APH1B: variants seen among roughly 807,000 people sequenced by gnomAD.
APH1B encodes aph-1B gamma-secretase subunit.
Under a neutral mutation model 28.2 loss-of-function variants are expected in APH1B, and 27 were observed. The observed-to-expected ratio is 0.96, with a 90% CI of 0.70 to 1.32. APH1B has a LOEUF of 1.32. Among genes scored for constraint, APH1B ranks in the 40% most tolerant of loss-of-function variants. The pLI is 0.00. For missense variants in APH1B, 305 were observed against 313.6 expected, an observed-to-expected ratio of 0.97 and a Z score of 0.21; for synonymous variants, 141 against 124.6, an observed-to-expected ratio of 1.13 and a Z score of -0.88.
chr15:63,301,694 G>A (rs1259444549), intron 4 of APH1B, among the ~76,000 whole-genome samples: 1 of 151,372 alleles, frequency 6.6e-6, no homozygotes, highest in Non-Finnish European at 1.5e-5. Context: ...TAATTCTCCT[G>A]CCTGAGCCTC....
chr15:63,284,583 G>T (rs201499069), intron 2 of APH1B, among the ~76,000 whole-genome samples: 2 of 14 alleles, frequency 0.14, no homozygotes, highest in East Asian at 0.5. Context: ...CCACAAACAC[G>T]GGGGGTGATG....
chr15:63,283,021 C>G (rs941763646), intron 2 of APH1B, among the ~76,000 whole-genome samples: 1 of 152,076 alleles, frequency 6.6e-6, no homozygotes, highest in Non-Finnish European at 1.5e-5. Context: ...AAAGAATTTT[C>G]CACTTCAGTA....
intron 5 of APH1B, among the ~76,000 whole-genome samples, chr15:63,303,702 C>T (rs902586651): frequency 3.3e-5 from 5 of 152,108 alleles, no homozygotes; most frequent in South Asian, 2.1e-4. Flanking sequence ...TATGTTGCTC[C>T]GGCTGGCTTC....
chr15:63,286,810 A>G (rs2038451944), intron 3 of APH1B, among the ~76,000 whole-genome samples, 182 bp downstream of exon 3: 1 of 152,204 alleles, frequency 6.6e-6, no homozygotes, highest in African/African-American at 2.4e-5. Flanking sequence ...AATGATTGCA[A>G]GTGACCCTTA....
rs112225555 is a variant in APH1B, at chr15:63,297,485, G to A, written c.479-4860G>A. ...GTGGAGGCTATAGTGAGCCATGATCGCACCATTGCACTCCAGTCTGGGTGA... is the reference window on the plus strand; with the variant it reads ...GTGGAGGCTATAGTGAGCCATGATCACACCATTGCACTCCAGTCTGGGTGA... On this transcript the variant is annotated intron_variant, in intron 4 of 5. Coordinates refer to ENST00000261879, the MANE Select transcript of APH1B (RefSeq NM_031301.4). Among the ~76,000 whole-genome samples the A allele has an allele frequency of 4.4e-3, 677 of 152,192 alleles. 8 individuals are homozygous for A. Among genetic ancestry groups the A allele is most frequent in the African/African-American group, 0.015 (608 of 41,528 alleles).
chr15:63,295,108 C>T (rs2038550564), intron 4 of APH1B, among the ~76,000 whole-genome samples: 2 of 152,196 alleles, frequency 1.3e-5, no homozygotes, highest in African/African-American at 4.8e-5. Context: ...GTCTTATGGG[C>T]TTAGCTTTGC....
chr15:63,295,644 C>T (rs544756139), intron 4 of APH1B, among the ~76,000 whole-genome samples: 2 of 152,206 alleles, frequency 1.3e-5, no homozygotes, highest in South Asian at 4.1e-4. Context: ...TTAACAGCAC[C>T]CCTGGCCTCT....
chr15:63,286,739 G>A, intron 3 of APH1B, 111 bp downstream of exon 3: 1 of 1,001,338 alleles, frequency 1.0e-6, no homozygotes, highest in South Asian at 1.7e-5. Context: ...TTACTGCCTT[G>A]GCCTATTGGT....
chr15:63,300,181 A>G (rs2038611326), intron 4 of APH1B, among the ~76,000 whole-genome samples: 1 of 152,100 alleles, frequency 6.6e-6, no homozygotes, highest in African/African-American at 2.4e-5. Context: ...CTCTGGTGCC[A>G]TCTCGAGCCA....
At position 63,277,719 on chromosome 15, in the gene APH1B, C is replaced by T; in HGVS notation, c.96C>T (p.Ile32=). The change falls in exon 1 of 6, where the codon ATC becomes ATT. Residue 32 remains isoleucine (I), a synonymous_variant. Coordinates refer to ENST00000261879, the MANE Select transcript of APH1B (RefSeq NM_031301.4). The stretch of plus-strand genomic sequence containing the variant: ...CCATCGCCACCGAGCCGTTGCGTAT[C>T]ATCTTCCTCATCGCCGGGTGAGGCG... ...VFTIATEPLR[I]IFLIAGAFFW... 6.2e-7 allele frequency: 1 copy of T among 1,611,162 alleles called. No individual in the cohort carries two copies. The highest frequency in any genetic ancestry group is 8.5e-7 in the Non-Finnish European group (1 of 1,178,712).
rs183697661 is a variant in APH1B, at chr15:63,304,384, T to C, written c.607-1230T>C. 4.6e-5 allele frequency among the ~76,000 whole-genome samples: 7 copies of C among 152,356 alleles called. No individual in the cohort carries two copies. The East Asian group carries it at 1.3e-3, about 29-fold the overall frequency. On this transcript the variant is annotated intron_variant, in intron 5 of 5. Transcript: ENST00000261879. This position sits in a 1 kb window ranked among gnomAD's most constrained non-coding sequence, Gnocchi z 5.1. ...AAGGTTGAGCAAGTCTTCAGATGTT[T>C]ATTGGCCATTCGGATAATTCTTTTT...
At chr15:63,283,423 G>A (rs912996332) in intron 2 of APH1B, among the ~76,000 whole-genome samples, 5 of 151,894 alleles carry the variant, frequency 3.3e-5, no homozygotes, top group Non-Finnish European at 7.4e-5. Context: ...AGAGACATAG[G>A]CTCCTTATGT....
rs767991766 is a variant in APH1B at position 63,305,620 on chromosome 15, A to T, written c.613A>T (p.Ile205Leu). 2 of 1,614,116 alleles carry T rather than the reference A, an allele frequency of 1.2e-6. No homozygotes were observed. The highest frequency in any genetic ancestry group is 3.3e-5 in the Admixed American group (2 of 60,018). The change falls in exon 6 of 6, where the codon ATA (isoleucine) becomes TTA (leucine). Residue 205 changes from isoleucine to leucine, a missense_variant. Coordinates refer to ENST00000261879, the MANE Select transcript of APH1B (RefSeq NM_031301.4). Reference protein sequence around the residue: ...THLLVSAQTFISSYYGINLAS... With the variant: ...THLLVSAQTFLSSYYGINLAS... ...ATTTATTTTTCTTTTGCAGACCTTC[A>T]TAAGTTCTTATTATGGAATAAACCT...
At chr15:63,281,086 T>C (rs780100095) in intron 2 of APH1B, among the ~76,000 whole-genome samples, 1 of 151,742 alleles carries the variant, frequency 6.6e-6, no homozygotes, top group Non-Finnish European at 1.5e-5. Flanking sequence ...CAGTGAGCCG[T>C]GATTGCACCA....
At position 63,306,863 on chromosome 15, in the gene APH1B, CA is replaced by C. The variant is rs1490533423; in HGVS notation, c.*1083del. 6.6e-6 allele frequency: 1 copy of C among 152,246 alleles called. No homozygotes were observed. Among genetic ancestry groups the C allele is most frequent in the African/African-American group, 2.4e-5 (1 of 41,466 alleles). 9.4% of individuals were successfully genotyped at this position (152,246 alleles called of 1,614,324 possible). Reference sequence around the variant, plus strand: ...ATAGATCTTAAACTGCCAAATCTCACACTATTGCATAATCCATATGCTCTTT... The same window carrying C: ...ATAGATCTTAAACTGCCAAATCTCACCTATTGCATAATCCATATGCTCTTT... On this transcript the variant is annotated 3_prime_UTR_variant, in exon 6 of 6. Coordinates refer to ENST00000261879, the MANE Select transcript of APH1B (RefSeq NM_031301.4).
intron 4 of APH1B, chr15:63,291,730 T>C (rs1474782719): frequency 6.6e-6 from 1 of 152,248 alleles, no homozygotes; most frequent in East Asian, 1.9e-4. Flanking sequence ...TTCTACCCTT[T>C]GACTTTGAGC....
In APH1B at chr15:63,279,267, T is replaced by G; in HGVS notation, c.220T>G (p.Phe74Val). 6.2e-7 allele frequency: 1 copy of G among 1,612,618 alleles called. No homozygotes were observed. Among genetic ancestry groups the G allele is most frequent in the South Asian group, 1.1e-5 (1 of 90,952 alleles). ...ACCAACACAGAAATATCTGCTGATCTTTGGAGCGTTTGTCTCTGTCTATAT... is the reference window on the plus strand; with the variant it reads ...ACCAACACAGAAATATCTGCTGATCGTTGGAGCGTTTGTCTCTGTCTATAT... ...DGPTQKYLLIFGAFVSVYIQE... is the reference protein window; with the variant it reads ...DGPTQKYLLIVGAFVSVYIQE... Residue 74 changes from phenylalanine to valine, a missense_variant, in exon 2 of 6, where the codon TTT (phenylalanine) becomes GTT (valine). By Grantham distance (50) the Phe-to-Val change is conservative (BLOSUM62 -1). Coordinates refer to ENST00000261879, the MANE Select transcript of APH1B (RefSeq NM_031301.4).
chr15:63,285,587 T>C (rs1026137894), intron 2 of APH1B, among the ~76,000 whole-genome samples: 3 of 152,200 alleles, frequency 2.0e-5, no homozygotes, highest in African/African-American at 7.2e-5. Flanking sequence ...AGCTTATAAA[T>C]TGGCCACAAC....
chr15:63,283,141 G>A (rs1388447771), intron 2 of APH1B, among the ~76,000 whole-genome samples: 1 of 152,172 alleles, frequency 6.6e-6, no homozygotes, highest in Admixed American at 6.5e-5. Context: ...CTTCCATAAC[G>A]TAGAATTAGG....
Sources: gnomAD v4.1 joint callset for allele counts (sites outside exome capture counted in the v4.1 genomes callset) on GRCh38, gnomAD v4.1.1 for gene constraint, Gnocchi (gnomAD v3.1) non-coding constraint, MANE v1.5 for transcripts, NCBI Gene and HGNC (gene_info 2026-07-23, HGNC 2026-07-21) for gene names.